GRM7: variants seen among roughly 807,000 people sequenced by gnomAD.
GRM7 encodes the protein metabotropic glutamate receptor 7.
GRM7 carries 35 observed loss-of-function variants against 84.5 expected under a neutral mutation model. The ratio of observed to expected loss-of-function variants is 0.41; its 90% confidence interval spans 0.32 to 0.55. The LOEUF (loss-of-function observed/expected upper bound fraction) is 0.55. Among genes scored for constraint, GRM7 ranks in the 20% least tolerant of loss-of-function variants. The probability of loss-of-function intolerance (pLI) is 0.19; values close to 1 mark genes in which losing one functional copy is unlikely to be tolerated. For missense variants in GRM7, 1,003 were observed against 1,194.6 expected, an observed-to-expected ratio of 0.84 and a Z score of 2.36; for synonymous variants, 487 against 455.1, an observed-to-expected ratio of 1.07 and a Z score of -0.89.
At chr3:7,031,300 G>T (rs1696173474) in intron 1 of GRM7, among the ~76,000 whole-genome samples, 2 of 152,152 alleles carry the variant, frequency 1.3e-5, no homozygotes, top group South Asian at 4.1e-4. Context: ...GGCTTAGGAT[G>T]CATTTCCCTT....
intron 1 of GRM7, among the ~76,000 whole-genome samples, chr3:7,129,570 C>G (rs1165846376): frequency 1.3e-5 from 2 of 152,142 alleles, no homozygotes; most frequent in African/African-American, 4.8e-5. Context: ...GGGAAGGTAA[C>G]ATGGAAAGAC....
chr3:7,003,743 G>C (rs1403323858), intron 1 of GRM7, among the ~76,000 whole-genome samples: 6 of 152,206 alleles, frequency 3.9e-5, no homozygotes, highest in Non-Finnish European at 7.3e-5. Context: ...AGTGGTACAT[G>C]CATCTACTCC....
chr3:7,143,984 C>T (rs537390655), intron 1 of GRM7, among the ~76,000 whole-genome samples: 4 of 152,150 alleles, frequency 2.6e-5, no homozygotes, highest in South Asian at 4.2e-4. Flanking sequence ...AAACTACAAT[C>T]GACACGTAGG....
intron 2 of GRM7, among the ~76,000 whole-genome samples, chr3:7,149,704 C>G (rs1694223377): frequency 6.6e-6 from 1 of 152,112 alleles, no homozygotes; most frequent in African/African-American, 2.4e-5. Flanking sequence ...AATTTTGACA[C>G]ATGCTTTAAC....
intron 1 of GRM7, among the ~76,000 whole-genome samples, chr3:7,075,616 C>G (rs1698044883): frequency 6.6e-6 from 1 of 151,816 alleles, no homozygotes; most frequent in East Asian, 1.9e-4. Flanking sequence ...GCCTCCGGCT[C>G]CTGGGTTCAA....
chr3:7,219,879 G>C (rs1473730411), intron 2 of GRM7, among the ~76,000 whole-genome samples: 1 of 152,088 alleles, frequency 6.6e-6, no homozygotes, highest in Non-Finnish European at 1.5e-5. Flanking sequence ...AGTATCTTGT[G>C]GTGCTAGAAA....
intron 1 of GRM7, among the ~76,000 whole-genome samples, chr3:7,048,792 A>G (rs1696888484): frequency 6.6e-6 from 1 of 151,954 alleles, no homozygotes; most frequent in South Asian, 2.1e-4. Flanking sequence ...ACCTATAGTC[A>G]CCATGCTGTA....
intron 8 of GRM7, among the ~76,000 whole-genome samples, chr3:7,582,572 T>A (rs1271464891): frequency 1.3e-5 from 2 of 152,116 alleles, no homozygotes; most frequent in Admixed American, 6.6e-5. Flanking sequence ...CAGAGAAAAT[T>A]GCTAAAAAGG....
chr3:7,741,228 G>A lies in GRM7; in HGVS notation c.*822G>A, dbSNP rs2106534392. On this transcript the variant is annotated 3_prime_UTR_variant, in exon 10 of 10. Coordinates refer to ENST00000357716, the MANE Select transcript of GRM7 (RefSeq NM_000844.4). ...GTTCTCTTTTGTTATTTTTAATTAG[G>A]GTATATGAATATTTTGCAATAATTT... 1 of 152,232 alleles carries A rather than the reference G, an allele frequency of 6.6e-6. No homozygotes were observed. Among genetic ancestry groups the A allele is most frequent in the South Asian group, 2.1e-4 (1 of 4,784 alleles). 9.4% of individuals were successfully genotyped at this position (152,232 alleles called of 1,614,324 possible). A position where few individuals can be genotyped will look rare whatever the true frequency, so the allele number is the denominator to read the frequency against.
chr3:7,580,434 G>A (rs1439876285), intron 8 of GRM7, among the ~76,000 whole-genome samples: 1 of 152,046 alleles, frequency 6.6e-6, no homozygotes, highest in Non-Finnish European at 1.5e-5. Flanking sequence ...GGAAAAACAG[G>A]GATTGATTTA....
At chr3:7,358,933 C>T (rs1046035574) in intron 4 of GRM7, among the ~76,000 whole-genome samples, 1 of 151,832 alleles carries the variant, frequency 6.6e-6, no homozygotes, top group Non-Finnish European at 1.5e-5. Flanking sequence ...GCCTGGGCAA[C>T]ATGGTGAAAC....
chr3:7,315,313 C>T (rs960689702), intron 4 of GRM7, among the ~76,000 whole-genome samples: 26 of 152,168 alleles, frequency 1.7e-4, no homozygotes, highest in Admixed American at 2.6e-4. Context: ...TGGACATGCC[C>T]GTGGGTTTCT....
At chr3:7,076,788 A>T (rs930375543) in intron 1 of GRM7, among the ~76,000 whole-genome samples, 14 of 152,216 alleles carry the variant, frequency 9.2e-5, no homozygotes, top group Non-Finnish European at 5.9e-5. Context: ...ATCAGAGTGA[A>T]CAGGCAACTT....
At chr3:7,546,504 A>C (rs1490891380) in intron 7 of GRM7, among the ~76,000 whole-genome samples, 1 of 152,236 alleles carries the variant, frequency 6.6e-6, no homozygotes, top group Non-Finnish European at 1.5e-5. Flanking sequence ...CCGTAGGAGA[A>C]GCAGGTAACA....
At position 7,452,716 on chromosome 3, in the gene GRM7, T is replaced by C; in HGVS notation, c.1284T>C (p.Asp428=). The C allele has an allele frequency of 6.2e-7, 1 of 1,613,388 alleles. No homozygotes were observed. The highest frequency in any genetic ancestry group is 2.2e-5 in the East Asian group (1 of 44,832). The change falls in exon 6 of 10, where the codon GAT becomes GAC. Residue 428 remains aspartate (D), a synonymous_variant. Coordinates refer to ENST00000357716, the MANE Select transcript of GRM7 (RefSeq NM_000844.4). ...ACGCCCTTCACCACATGAACAAGGA[T>C]CTCTGTGCTGACTACCGGGGTGTCT... The part of the protein sequence containing the change: ...MAHALHHMNK[D]LCADYRGVCP...
chr3:7,624,717 G>A (rs1697524658), intron 8 of GRM7, among the ~76,000 whole-genome samples: 1 of 152,092 alleles, frequency 6.6e-6, no homozygotes, highest in South Asian at 2.1e-4. Flanking sequence ...GCATGTTAGG[G>A]GTTCAATAAA....
chr3:6,917,056 A>T (rs989431887), intron 1 of GRM7, among the ~76,000 whole-genome samples: 1 of 152,300 alleles, frequency 6.6e-6, no homozygotes, highest in African/African-American at 2.4e-5. Flanking sequence ...AATCCCAGCC[A>T]TGCCAGTCAC....
chr3:7,108,121 T>C (rs1169011028), intron 1 of GRM7, among the ~76,000 whole-genome samples: 1 of 152,092 alleles, frequency 6.6e-6, no homozygotes, highest in Non-Finnish European at 1.5e-5. Context: ...ATGGTGTCTG[T>C]GCTATGATTG....
At chr3:7,058,842 G>A (rs922943807) in intron 1 of GRM7, among the ~76,000 whole-genome samples, 1 of 151,776 alleles carries the variant, frequency 6.6e-6, no homozygotes, top group Non-Finnish European at 1.5e-5. Flanking sequence ...CTTTCTAAAA[G>A]AGGCAAAGGC....
Sources: allele counts gnomAD v4.1 joint callset (sites outside exome capture counted in the v4.1 genomes callset), GRCh38; gene constraint gnomAD v4.1.1; transcripts MANE v1.5; gene names NCBI Gene and HGNC (gene_info 2026-07-23, HGNC 2026-07-21).